Variants in SIRT1 observed in about 807,000 individuals in gnomAD.
The protein encoded by SIRT1 is sirtuin 1.
A neutral mutation model predicts 67.9 loss-of-function variants in SIRT1; 24 were observed. The observed-to-expected ratio is 0.35, with a 90% CI of 0.26 to 0.50. The LOEUF (loss-of-function observed/expected upper bound fraction) is 0.50. SIRT1 is among the 20% of genes least tolerant of loss of function. SIRT1 has a pLI of 0.98. For missense variants in SIRT1, 873 were observed against 937.2 expected, an observed-to-expected ratio of 0.93 and a Z score of 0.89; for synonymous variants, 378 against 350.7, an observed-to-expected ratio of 1.08 and a Z score of -0.87.
Position 67,916,589 on chromosome 10 carries a change from CAT to C in SIRT1, c.2242_2243del (p.Ter748ValfsTer2), listed in dbSNP as rs2029921000. 1 of 1,605,896 alleles carries C rather than the reference CAT, an allele frequency of 6.2e-7. No individual in the cohort carries two copies. The highest frequency in any genetic ancestry group is 8.5e-7 in the Non-Finnish European group (1 of 1,174,104). On this transcript the variant is annotated frameshift_variant and stop_lost, in exon 9 of 9. Coordinates refer to ENST00000212015, the MANE Select transcript of SIRT1 (RefSeq NM_012238.5). LOFTEE classifies it high-confidence loss of function. The stretch of plus-strand genomic sequence containing the variant: ...GACATGAACTATCCATCAAACAAAT[CAT>C]AGTGTAATAATTGTGCAGGTACAGG...
chr10:67,916,136 C>A (rs2029904680), intron 8 of SIRT1, 129 bp from the exon 9 acceptor site: 3 of 802,920 alleles, frequency 3.7e-6, no homozygotes, highest in African/African-American at 3.5e-5. Flanking sequence ...TGTTTTTAAA[C>A]ACTAATAGTA....
rs570494492 is a variant in SIRT1, at chr10:67,909,230, C to T, written c.1171-26C>T. Reference sequence around the variant, plus strand: ...TTGGGCTTACTCTTTGCTTCTCTACCTCAACCAAAATCTGAAAATATGTAG... The same window carrying T: ...TTGGGCTTACTCTTTGCTTCTCTACTTCAACCAAAATCTGAAAATATGTAG... On this transcript the variant is annotated intron_variant, in intron 6 of 8. Coordinates refer to ENST00000212015, the MANE Select transcript of SIRT1 (RefSeq NM_012238.5). 7 of 1,544,768 alleles carry T rather than the reference C, an allele frequency of 4.5e-6. No homozygotes were observed. The South Asian group carries it at 6.4e-5, about 14-fold the overall frequency.
chr10:67,885,298 C>T (rs1035592826), intron 1 of SIRT1, 147 bp downstream of exon 1: 11 of 1,241,146 alleles, frequency 8.9e-6, no homozygotes, highest in Non-Finnish European at 1.1e-5. Context: ...CAGCCGCGCT[C>T]CTCCGGGGCT....
chr10:67,914,020 TTTA>T (rs1370004419), intron 8 of SIRT1, among the ~76,000 whole-genome samples: 21 of 151,454 alleles, frequency 1.4e-4, no homozygotes, highest in Non-Finnish European at 2.4e-4. Flanking sequence ...AACAAAGTAC[TTTA>T]TTATTGTTTT....
At chr10:67,908,433 G>T (rs1323796686) in intron 6 of SIRT1, among the ~76,000 whole-genome samples, 1 of 152,094 alleles carries the variant, frequency 6.6e-6, no homozygotes, top group African/African-American at 2.4e-5. Context: ...TTTTGTGCCT[G>T]TCAGATTTGG....
intron 4 of SIRT1, among the ~76,000 whole-genome samples, chr10:67,895,715 A>T (rs1014528227): frequency 8.5e-5 from 11 of 128,966 alleles, no homozygotes; most frequent in African/African-American, 3.1e-4. Context: ...ATTGTATGTG[A>T]TTATTGAGAA....
chr10:67,895,676 G>A (rs1250216694), intron 4 of SIRT1, among the ~76,000 whole-genome samples: 1 of 139,440 alleles, frequency 7.2e-6, no homozygotes. Flanking sequence ...TTTTTGGAAA[G>A]AATTTCTATA....
chr10:67,908,149 G>T, intron 6 of SIRT1, 24 bp downstream of exon 6: 1 of 1,590,840 alleles, frequency 6.3e-7, no homozygotes, highest in South Asian at 1.1e-5. Flanking sequence ...CATATTTTAG[G>T]AATTGTTCAT....
At chr10:67,900,710 C>G (rs1221669671) in intron 4 of SIRT1, among the ~76,000 whole-genome samples, 3 of 152,082 alleles carry the variant, frequency 2.0e-5, no homozygotes, top group African/African-American at 7.2e-5. Context: ...ACTCAAAGTG[C>G]TGGGATTGTA....
intron 8 of SIRT1, 42 bp from the exon 9 acceptor site, chr10:67,916,217 AGTTAGT>A: frequency 1.3e-6 from 2 of 1,500,670 alleles, no homozygotes; most frequent in Non-Finnish European, 9.1e-7. Context: ...GCTCAGACTG[AGTTAGT>A]GTTAGAAAAC....
In SIRT1 at chr10:67,916,367, G is replaced by A; in HGVS notation, c.2018G>A (p.Ser673Asn). 2 of 1,614,178 alleles carry A rather than the reference G, an allele frequency of 1.2e-6. No individual in the cohort carries two copies. The highest frequency in any genetic ancestry group is 1.7e-6 in the Non-Finnish European group (2 of 1,180,030). ...DDVLSSSSCGSNSDSGTCQSP... is the reference protein window; with the variant it reads ...DDVLSSSSCGNNSDSGTCQSP... ...GTCTTATCCTCTAGTTCTTGTGGCA[G>A]TAACAGTGATAGTGGGACATGCCAG... The change falls in exon 9 of 9, where the codon AGT becomes AAT. Residue 673 changes from serine (S) to asparagine (N), a missense_variant. This residue lies in a region of SIRT1 where 295 missense variants were observed against 294.5 expected (regional missense o/e 1.00). Coordinates refer to ENST00000212015, the MANE Select transcript of SIRT1 (RefSeq NM_012238.5).
intron 4 of SIRT1, among the ~76,000 whole-genome samples, chr10:67,899,807 A>G (rs1564888025): frequency 6.6e-6 from 1 of 152,092 alleles, no homozygotes; most frequent in Non-Finnish European, 1.5e-5. Context: ...AAAAGAGGCC[A>G]GGTGCGGTGG....
rs566789795 is a variant in SIRT1 at position 67,885,190 on chromosome 10, C to T, written c.430+39C>T. The T allele has an allele frequency of 4.7e-4, 613 of 1,306,422 alleles. 1 individual carries two copies. The African/African-American group carries it at 8.7e-3, about 18-fold the overall frequency. The allele number at this position is 1,306,422 out of a possible 1,614,324, so 80.9% of individuals were successfully genotyped here. A position where few individuals can be genotyped will look rare whatever the true frequency, so the allele number is the denominator to read the frequency against. On this transcript the variant is annotated intron_variant, in intron 1 of 8. Transcript: ENST00000212015. ...GGGCGGCCGGAACTGCGCATCTCCT[C>T]CTCCCTCTCCCCGGGCTCCTACTGG... is the stretch of plus-strand genomic sequence containing the variant.
chr10:67,916,305 C>G lies in SIRT1; in HGVS notation c.1956C>G (p.Phe652Leu). 6.3e-7 allele frequency: 1 copy of G among 1,599,244 alleles called. No individual in the cohort carries two copies. Among genetic ancestry groups the G allele is most frequent in the South Asian group, 1.1e-5 (1 of 90,456 alleles). Residue 652 changes from phenylalanine to leucine, a missense_variant, in exon 9 of 9, where the codon TTC (phenylalanine) becomes TTG (leucine). Around this residue, in one of 3 missense-constraint regions of SIRT1, gnomAD observed 295 missense variants for 294.5 expected, o/e 1.00. Coordinates refer to ENST00000212015, the MANE Select transcript of SIRT1 (RefSeq NM_012238.5). Reference sequence around the variant, plus strand: ...TTTTGCCACCAAATCGTTACATTTTCCATGGCGCTGAGGTATATTCAGACT... The same window carrying G: ...TTTTGCCACCAAATCGTTACATTTTGCATGGCGCTGAGGTATATTCAGACT... ...YLFLPPNRYI[F>L]HGAEVYSDSE...
intron 8 of SIRT1, among the ~76,000 whole-genome samples, chr10:67,914,362 G>A (rs573091551): frequency 6.6e-6 from 1 of 152,146 alleles, no homozygotes; most frequent in East Asian, 1.9e-4. Flanking sequence ...GAGCCACGGC[G>A]CCCAGCCCCA....
rs33992752 is a variant in SIRT1, at chr10:67,899,644, C to G, written c.943-7146C>G. Among the ~76,000 whole-genome samples, 4,598 of 152,120 alleles carry G rather than the reference C, an allele frequency of 0.03. 531 individuals carry two copies. In the East Asian group the frequency reaches 0.41, roughly 14 times the overall value. On this transcript the variant is annotated intron_variant, in intron 4 of 8. Coordinates refer to ENST00000212015, the MANE Select transcript of SIRT1 (RefSeq NM_012238.5). ...TCTTGAGAATAATTTCGTAACAGCA[C>G]TTAACAGATATACCTTATTTTTCAA...
intron 4 of SIRT1, among the ~76,000 whole-genome samples, chr10:67,904,495 A>G (rs908317575): frequency 6.6e-6 from 1 of 152,138 alleles, no homozygotes; most frequent in South Asian, 2.1e-4. Flanking sequence ...GGCCCATTTC[A>G]TACTTGACAG....
chr10:67,888,612 C>T (rs1411863062), intron 2 of SIRT1, among the ~76,000 whole-genome samples: 2 of 151,984 alleles, frequency 1.3e-5, no homozygotes, highest in Non-Finnish European at 2.9e-5. Flanking sequence ...AGATATTAAC[C>T]ATAAGAACTT....
chr10:67,891,317 T>G (rs1842570026), intron 3 of SIRT1, 85 bp from the exon 4 acceptor site: 1 of 1,246,944 alleles, frequency 8.0e-7, no homozygotes, highest in Non-Finnish European at 1.1e-6. Context: ...TTCTCAACTC[T>G]TACCTAATTA....
Sources: gnomAD v4.1 joint callset for allele counts (sites outside exome capture counted in the v4.1 genomes callset) on GRCh38, gnomAD v4.1.1 for gene constraint, gnomAD v4.1.1 regional missense constraint, MANE v1.5 for transcripts, NCBI Gene and HGNC (gene_info 2026-07-23, HGNC 2026-07-21) for gene names.